The following MARCHF7 variants were observed in gnomAD, a reference collection of about 807,000 sequenced individuals.
MARCHF7 encodes the protein E3 ubiquitin-protein ligase MARCHF7.
In MARCHF7, 20 loss-of-function variants were observed where a neutral mutation model predicts 76.5. The observed-to-expected ratio is 0.26, with a 90% CI of 0.18 to 0.38. The LOEUF (loss-of-function observed/expected upper bound fraction) is 0.38. MARCHF7 is among the 10% of genes least tolerant of loss of function. The probability of loss-of-function intolerance (pLI) is 1.00; values close to 1 mark genes in which losing one functional copy is unlikely to be tolerated. For synonymous variants in MARCHF7, 295 were observed against 293.0 expected, an observed-to-expected ratio of 1.01 and a Z score of -0.07; for missense variants, 797 against 812.9, an observed-to-expected ratio of 0.98 and a Z score of 0.24.
Position 159,768,775 on chromosome 2 carries a change from A to G in MARCHF7, c.*1433A>G, listed in dbSNP as rs540648045. On this transcript the variant is annotated 3_prime_UTR_variant, in exon 12 of 12. Transcript: ENST00000409175. The stretch of plus-strand genomic sequence containing the variant: ...AAAATTTAAGGGTGGTAGTTTTAAT[A>G]TATTCTGTGGGTCCTAAGGGATGCT... 6.6e-6 allele frequency: 1 copy of G among 152,326 alleles called. No individual in the cohort carries two copies. Among genetic ancestry groups the G allele is most frequent in the Non-Finnish European group, 1.5e-5 (1 of 67,998 alleles). 9.4% of individuals were successfully genotyped at this position (152,326 alleles called of 1,614,324 possible). A position where few individuals can be genotyped will look rare whatever the true frequency, so the allele number is the denominator to read the frequency against.
At chr2:159,764,845 T>TG (rs1376162674) in intron 11 of MARCHF7, among the ~76,000 whole-genome samples, 171 bp downstream of exon 11, 4 of 151,130 alleles carry the variant, frequency 2.6e-5, no homozygotes, top group South Asian at 2.1e-4. Flanking sequence ...CATTAGTTGT[T>TG]TTTTTTTTTA....
At chr2:159,745,610 C>T (rs537623097) in intron 5 of MARCHF7, among the ~76,000 whole-genome samples, 160 bp from the exon 6 acceptor site, 19 of 152,210 alleles carry the variant, frequency 1.2e-4, no homozygotes, top group Admixed American at 3.3e-4. Flanking sequence ...GAGCTGAGAT[C>T]GTGCCACTAC....
At chr2:159,741,327 G>GAGT (rs1704096279) in intron 4 of MARCHF7, among the ~76,000 whole-genome samples, 2 of 152,186 alleles carry the variant, frequency 1.3e-5, no homozygotes, top group South Asian at 4.1e-4. Flanking sequence ...CTCCAGCCTG[G>GAGT]GCAACAGAGT....
intron 5 of MARCHF7, among the ~76,000 whole-genome samples, chr2:159,744,762 TCTG>T (rs1282576911): frequency 3.3e-5 from 5 of 152,250 alleles, no homozygotes; most frequent in African/African-American, 9.6e-5. Context: ...TTTGTTCTCT[TCTG>T]CTATGTGAAA....
rs1705773800 is a variant in MARCHF7 at position 159,752,473 on chromosome 2, C to T, written c.1685C>T (p.Ser562Leu). Residue 562 changes from serine to leucine, a missense_variant, in exon 8 of 12, where the codon TCA (serine) becomes TTA (leucine). By Grantham distance (145) the Ser-to-Leu change is moderately radical. Transcript: ENST00000409175. ...ATTTGTCAAATGGCAGCTGCATCAT[C>T]ATCTAATTTGCTGATAGAGCCATGC... Reference protein sequence around the residue: ...CRICQMAAASSSNLLIEPCKC... With the variant: ...CRICQMAAASLSNLLIEPCKC... The T allele has an allele frequency of 6.2e-7, 1 of 1,606,734 alleles. No individual in the cohort carries two copies. Among genetic ancestry groups the T allele is most frequent in the Non-Finnish European group, 8.5e-7 (1 of 1,177,108 alleles).
intron 8 of MARCHF7, among the ~76,000 whole-genome samples, chr2:159,756,760 G>C (rs1476473590): frequency 6.6e-6 from 1 of 151,348 alleles, no homozygotes; most frequent in Non-Finnish European, 1.5e-5. Flanking sequence ...TAGGACTAGG[G>C]TTGGGCCTCA....
chr2:159,718,604 A>G (rs1473046106), intron 3 of MARCHF7, among the ~76,000 whole-genome samples: 1 of 152,176 alleles, frequency 6.6e-6, no homozygotes, highest in Non-Finnish European at 1.5e-5. Context: ...TGGACATTGT[A>G]CTGCTTTTAG....
intron 3 of MARCHF7, 133 bp downstream of exon 3, chr2:159,715,899 G>A (rs1700981616): frequency 6.6e-6 from 1 of 152,158 alleles, no homozygotes; most frequent in Non-Finnish European, 1.5e-5. Flanking sequence ...TTAGTGTGAT[G>A]TTTCATACTT....
intron 7 of MARCHF7, among the ~76,000 whole-genome samples, chr2:159,751,118 T>A (rs1416910645): frequency 6.6e-6 from 1 of 152,224 alleles, no homozygotes; most frequent in African/African-American, 2.4e-5. Context: ...TTCCTCCAAT[T>A]GCAGGCTGTC....
At chr2:159,749,741 G>GC (rs2125615022) in intron 7 of MARCHF7, among the ~76,000 whole-genome samples, 1 of 130,900 alleles carries the variant, frequency 7.6e-6, no homozygotes, top group Non-Finnish European at 1.7e-5. Context: ...TTGGGGCGGG[G>GC]GGGGCGGTTG....
intron 5 of MARCHF7, among the ~76,000 whole-genome samples, chr2:159,744,936 A>G (rs548900558): frequency 5.3e-5 from 8 of 152,358 alleles, no homozygotes; most frequent in Admixed American, 1.3e-4. Context: ...TAAAATTACG[A>G]TAACTGTAAC....
intron 4 of MARCHF7, among the ~76,000 whole-genome samples, chr2:159,729,672 C>CAAA (rs36092079): frequency 1.5e-5 from 2 of 137,674 alleles, no homozygotes; most frequent in African/African-American, 2.7e-5. Flanking sequence ...GACTCCATCT[C>CAAA]AAAAAAAAAA....
chr2:159,716,446 A>G (rs536823732), intron 3 of MARCHF7, among the ~76,000 whole-genome samples: 6 of 152,246 alleles, frequency 3.9e-5, no homozygotes, highest in African/African-American at 1.4e-4. Context: ...CAGGAGTTCA[A>G]GACCATCCTG....
chr2:159,726,881 TATAA>T (rs1436218350), intron 3 of MARCHF7, among the ~76,000 whole-genome samples: 4 of 152,216 alleles, frequency 2.6e-5, no homozygotes, highest in Non-Finnish European at 1.5e-5. Context: ...TGTTTAGTTA[TATAA>T]ATACTTACCA....
intron 6 of MARCHF7, 42 bp from the exon 7 acceptor site, chr2:159,747,763 C>A: frequency 6.6e-7 from 1 of 1,514,020 alleles, no homozygotes; most frequent in South Asian, 1.4e-5. Flanking sequence ...TAATAATGCT[C>A]AAATTATTTC....
At chr2:159,764,276 A>G (rs1707495130) in intron 10 of MARCHF7, among the ~76,000 whole-genome samples, 1 of 144,294 alleles carries the variant, frequency 6.9e-6, no homozygotes, top group African/African-American at 2.6e-5. Flanking sequence ...ACTGAAACTG[A>G]ATTTATTTGG....
In MARCHF7 at chr2:159,748,029, A is replaced by G. The variant is rs1349625322; in HGVS notation, c.739A>G (p.Ser247Gly). 1.2e-6 allele frequency: 2 copies of G among 1,614,216 alleles called. No homozygotes were observed. The highest frequency in any genetic ancestry group is 8.5e-7 in the Non-Finnish European group (1 of 1,180,034). The change falls in exon 7 of 12, where the codon AGT (serine) becomes GGT (glycine). Residue 247 changes from serine (S) to glycine (G), a missense_variant. By Grantham distance (56) the Ser-to-Gly change is moderately conservative. Transcript: ENST00000409175. Reference protein sequence around the residue: ...NTQPGFSYSSSRDEAPIISNS... With the variant: ...NTQPGFSYSSGRDEAPIISNS... ...GCAGCCTGGATTTTCTTACAGTTCA[A>G]GTAGAGATGAAGCCCCAATCATAAG...
At chr2:159,724,518 AT>A (rs1482914217) in intron 3 of MARCHF7, among the ~76,000 whole-genome samples, 1 of 152,046 alleles carries the variant, frequency 6.6e-6, no homozygotes, top group Non-Finnish European at 1.5e-5. Context: ...TACATTTGCT[AT>A]TTCTTTTGGT....
Position 159,748,494 on chromosome 2 carries a change from A to C in MARCHF7, c.1204A>C (p.Arg402=), listed in dbSNP as rs752099384. Residue 402 remains arginine, a synonymous_variant, in exon 7 of 12, where the codon AGG becomes CGG. Transcript: ENST00000409175. ...NRCTPLFSRR[R]REGRDESSRI... is the part of the protein sequence containing the mutation. Reference sequence around the variant, plus strand: ...ATGCACACCTTTGTTCTCTAGAAGGAGGCGAGAGGGAAGAGATGAATCTTC... The same window carrying C: ...ATGCACACCTTTGTTCTCTAGAAGGCGGCGAGAGGGAAGAGATGAATCTTC... 6.8e-6 allele frequency: 11 copies of C among 1,614,000 alleles called. No homozygotes were observed. The African/African-American group carries it at 1.5e-4, about 22-fold the overall frequency.
Sources: allele counts gnomAD v4.1 joint callset (sites outside exome capture counted in the v4.1 genomes callset), GRCh38; gene constraint gnomAD v4.1.1; transcripts MANE v1.5; gene names NCBI Gene and HGNC (gene_info 2026-07-23, HGNC 2026-07-21).